DOCK8: variants seen among roughly 807,000 people sequenced by gnomAD.
DOCK8 encodes the protein dedicator of cytokinesis 8, also known as dedicator of cytokinesis protein 8.
A neutral mutation model predicts 245.6 loss-of-function variants in DOCK8; 141 were observed. The ratio of observed to expected loss-of-function variants is 0.57; its 90% CI spans 0.50 to 0.66. The LOEUF (loss-of-function observed/expected upper bound fraction) is 0.66, where lower values mean the gene tolerates loss of function less well. Among genes scored for constraint, DOCK8 ranks in the 30% least tolerant of loss-of-function variants. The pLI is 0.00. For missense variants in DOCK8, 2,965 were observed against 2,603.4 expected (o/e 1.14, Z -3.02); for synonymous variants, 1,168 against 970.2 (o/e 1.20, Z -3.79).
chr9:262,543 A>G (rs554445696), intron 1 of DOCK8, among the ~76,000 whole-genome samples: 3 of 150,850 alleles, frequency 2.0e-5, no homozygotes. Flanking sequence ...TGGATTGCAA[A>G]ATGATTCTGT....
At chr9:218,848 A>C (rs528714233) in intron 1 of DOCK8, among the ~76,000 whole-genome samples, 2 of 152,224 alleles carry the variant, frequency 1.3e-5, no homozygotes, top group African/African-American at 4.8e-5. Flanking sequence ...AATGCTTTCT[A>C]TGTGGCAGAG....
intron 23 of DOCK8, among the ~76,000 whole-genome samples, chr9:389,863 A>C (rs191562857): frequency 2.0e-5 from 3 of 151,904 alleles, no homozygotes; most frequent in Admixed American, 6.5e-5. Context: ...AAAAAAAAAG[A>C]AAAAAGAAAA....
At chr9:289,475 T>G (rs1338740117) in intron 3 of DOCK8, 35 bp from the exon 4 acceptor site, 3 of 1,533,410 alleles carry the variant, frequency 2.0e-6, no homozygotes, top group East Asian at 4.5e-5. Context: ...TTTTACCCAG[T>G]AATAACGTGT....
intron 17 of DOCK8, 44 bp downstream of exon 17, chr9:371,610 G>A (rs2053288937): frequency 1.2e-6 from 2 of 1,613,116 alleles, no homozygotes; most frequent in Non-Finnish European, 1.7e-6. Flanking sequence ...AGTTGTTGGT[G>A]CATCTGAGGT....
chr9:458,845 G>T (rs900187939), intron 46 of DOCK8, among the ~76,000 whole-genome samples: 1 of 152,016 alleles, frequency 6.6e-6, no homozygotes, highest in African/African-American at 2.4e-5. Flanking sequence ...ATGCAGGGGG[G>T]GTGAGGGCAG....
At chr9:353,390 G>GA in intron 14 of DOCK8, among the ~76,000 whole-genome samples, 1 of 152,276 alleles carries the variant, frequency 6.6e-6, no homozygotes, top group African/African-American at 2.4e-5. Flanking sequence ...CATCAAGAAT[G>GA]ATAAAACAAG....
rs1427141991 is a variant in DOCK8 at position 429,699 on chromosome 9, T to C, written c.4474-3T>C. The C allele has an allele frequency of 6.2e-7, 1 of 1,614,088 alleles. No individual in the cohort carries two copies. Among genetic ancestry groups the C allele is most frequent in the Non-Finnish European group, 8.5e-7 (1 of 1,180,042 alleles). The stretch of plus-strand genomic sequence containing the variant: ...GCCTAATGGCCCTTTATGTCTCTCC[T>C]AGTTTGGAGACTTACTCTTTGAAGA... On this transcript the variant is annotated splice_region_variant and splice_polypyrimidine_tract_variant and intron_variant, in intron 35 of 47. Transcript: ENST00000432829.
intron 5 of DOCK8, among the ~76,000 whole-genome samples, chr9:309,467 T>C (rs2050001299): frequency 6.6e-6 from 1 of 152,204 alleles, no homozygotes; most frequent in African/African-American, 2.4e-5. Flanking sequence ...TTTATAGATA[T>C]TTACCATTAA....
chr9:235,454 G>A (rs113226233), intron 1 of DOCK8, among the ~76,000 whole-genome samples: 59 of 152,320 alleles, frequency 3.9e-4, no homozygotes, highest in African/African-American at 1.3e-3. Flanking sequence ...GTCTGCAGAG[G>A]TAACTGCTGT....
chr9:299,252 C>G (rs1206448929), intron 4 of DOCK8, among the ~76,000 whole-genome samples: 2 of 152,106 alleles, frequency 1.3e-5, no homozygotes, highest in Non-Finnish European at 2.9e-5. Flanking sequence ...TCAGCACACA[C>G]AGATATGTTG....
At chr9:423,290 T>C (rs1201699255) in intron 33 of DOCK8, among the ~76,000 whole-genome samples, 1 of 152,232 alleles carries the variant, frequency 6.6e-6, no homozygotes, top group Non-Finnish European at 1.5e-5. Context: ...TGCAACAATT[T>C]AGACATATGA....
intron 39 of DOCK8, 102 bp downstream of exon 39, chr9:435,077 G>A: frequency 1.4e-6 from 2 of 1,432,642 alleles, no homozygotes; most frequent in Non-Finnish European, 1.9e-6. Context: ...TACATTTTTG[G>A]TTATCACAAC....
chr9:404,893 T>C (rs765881336), intron 26 of DOCK8, 25 bp from the exon 27 acceptor site: 1 of 1,613,574 alleles, frequency 6.2e-7, no homozygotes, highest in South Asian at 1.1e-5. Context: ...AAATGTTTCA[T>C]TCCTCTTTTC....
chr9:301,293 C>T (rs114491054), intron 4 of DOCK8, among the ~76,000 whole-genome samples: 2,429 of 152,206 alleles, frequency 0.016, 56 homozygotes, highest in African/African-American at 0.055. Context: ...ATTCAACATC[C>T]CTTCATGTTA....
At chr9:398,238 C>A (rs369237078) in intron 25 of DOCK8, among the ~76,000 whole-genome samples, 3 of 152,140 alleles carry the variant, frequency 2.0e-5, no homozygotes, top group Admixed American at 6.5e-5. Flanking sequence ...TACTGAGTCA[C>A]GTAAGGCACC....
intron 36 of DOCK8, among the ~76,000 whole-genome samples, chr9:431,855 T>C (rs1444252753): frequency 6.6e-6 from 1 of 152,122 alleles, no homozygotes; most frequent in African/African-American, 2.4e-5. Flanking sequence ...CACAAAAGGA[T>C]ATACTGTATT....
At chr9:375,631 C>T (rs576579744) in intron 18 of DOCK8, among the ~76,000 whole-genome samples, 2 of 152,300 alleles carry the variant, frequency 1.3e-5, no homozygotes, top group South Asian at 4.1e-4. Context: ...TTACACCGTT[C>T]AGCCCTCTTC....
chr9:248,583 GTCTTTCTTTCTC>G (rs1315357807), intron 1 of DOCK8, among the ~76,000 whole-genome samples: 34 of 80,586 alleles, frequency 4.2e-4, no homozygotes, highest in African/African-American at 1.3e-3. Flanking sequence ...CTCTCTCTCT[GTCTTTCTTTCTC>G]TCTTTCTTTC....
At chr9:439,045 T>G (rs1343872971) in intron 39 of DOCK8, among the ~76,000 whole-genome samples, 200 bp from the exon 40 acceptor site, 1 of 152,136 alleles carries the variant, frequency 6.6e-6, no homozygotes, top group Non-Finnish European at 1.5e-5. Context: ...AAACGTGAGG[T>G]TTGAAGACCA....
Sources: allele counts gnomAD v4.1 joint callset (sites outside exome capture counted in the v4.1 genomes callset), GRCh38; gene constraint gnomAD v4.1.1; transcripts MANE v1.5; gene names NCBI Gene and HGNC (gene_info 2026-07-23, HGNC 2026-07-21).